Variants in NSG1 observed in about 807,000 individuals in gnomAD.
The protein encoded by NSG1 is neuronal vesicle trafficking-associated protein 1.
In NSG1, 9 loss-of-function variants were observed where a neutral mutation model predicts 19.3. The observed-to-expected ratio is 0.47, with a 90% CI of 0.28 to 0.81. The LOEUF (loss-of-function observed/expected upper bound fraction) is 0.81, where lower values mean the gene tolerates loss of function less well. NSG1 is among the 40% of genes least tolerant of loss of function. The pLI is 0.11. For missense variants in NSG1, 236 were observed against 242.4 expected, an observed-to-expected ratio of 0.97 and a Z score of 0.18; for synonymous variants, 104 against 107.0, an observed-to-expected ratio of 0.97 and a Z score of 0.17.
intron 3 of NSG1, among the ~76,000 whole-genome samples, chr4:4,395,641 A>AC (rs1296963235): frequency 6.6e-6 from 1 of 151,820 alleles, no homozygotes; most frequent in Non-Finnish European, 1.5e-5. Context: ...TGGCTTGTGT[A>AC]CCCCCCTGCC....
chr4:4,407,572 C>G (rs1723935791), intron 3 of NSG1, among the ~76,000 whole-genome samples: 1 of 152,174 alleles, frequency 6.6e-6, no homozygotes, highest in Non-Finnish European at 1.5e-5. Flanking sequence ...GGCCACGTCC[C>G]TCAGCTCTGA....
chr4:4,416,516 G>A (rs564778187), intron 4 of NSG1, among the ~76,000 whole-genome samples: 1 of 152,134 alleles, frequency 6.6e-6, no homozygotes, highest in Non-Finnish European at 1.5e-5. Context: ...AGGACAGGCT[G>A]CAGCCACAGC....
intron 3 of NSG1, among the ~76,000 whole-genome samples, chr4:4,392,167 C>T (rs377604172): frequency 6.6e-6 from 1 of 151,212 alleles, no homozygotes; most frequent in East Asian, 2.0e-4. Context: ...TCCTTCCCCC[C>T]ATCCCAATGG....
intron 3 of NSG1, among the ~76,000 whole-genome samples, chr4:4,403,784 G>A (rs1427021402): frequency 6.6e-6 from 1 of 152,238 alleles, no homozygotes; most frequent in Non-Finnish European, 1.5e-5. Context: ...TGTTGTGTTA[G>A]GAGTACGCAG....
chr4:4,410,961 G>A (rs755277021), intron 4 of NSG1, among the ~76,000 whole-genome samples: 1 of 152,120 alleles, frequency 6.6e-6, no homozygotes, highest in East Asian at 1.9e-4. Context: ...GGGTTCAAGC[G>A]ATTCTTCTGC....
intron 1 of NSG1, 122 bp from the exon 2 acceptor site, chr4:4,387,482 G>C (rs1577276456): frequency 1.5e-6 from 1 of 651,360 alleles, no homozygotes. Context: ...AGCCCTCCCC[G>C]AGACGAAGCG....
At chr4:4,387,550 C>A (rs1317523265) in intron 1 of NSG1, 54 bp from the exon 2 acceptor site, 20 of 598,158 alleles carry the variant, frequency 3.3e-5, no homozygotes, top group South Asian at 1.8e-5. Flanking sequence ...CACTTCCCCC[C>A]CGCCCCGCCC....
At chr4:4,412,543 GT>G (rs1329238496) in intron 4 of NSG1, among the ~76,000 whole-genome samples, 2 of 152,058 alleles carry the variant, frequency 1.3e-5, no homozygotes, top group Non-Finnish European at 2.9e-5. Flanking sequence ...CTGCTGGTCT[GT>G]ATCCAGCTGC....
At chr4:4,405,926 G>T (rs1287544013) in intron 3 of NSG1, among the ~76,000 whole-genome samples, 1 of 152,236 alleles carries the variant, frequency 6.6e-6, no homozygotes, top group Non-Finnish European at 1.5e-5. Flanking sequence ...GAGAATGGGG[G>T]TTCTTTTTAA....
intron 3 of NSG1, among the ~76,000 whole-genome samples, chr4:4,407,328 C>G (rs891197477): frequency 6.6e-6 from 1 of 152,062 alleles, no homozygotes; most frequent in East Asian, 1.9e-4. Flanking sequence ...GGGTCCCTCC[C>G]TAGGTGAAGG....
rs550124554 is a variant in NSG1, at chr4:4,402,481, G to A, written c.247-7092G>A. Among the ~76,000 whole-genome samples, 17 of 139,082 alleles carry A rather than the reference G, an allele frequency of 1.2e-4. No individual in the cohort carries two copies. In the East Asian group the frequency reaches 3.6e-3, roughly 29 times the overall value. The allele number at this position is 139,082 out of a possible 152,430, so 91.2% of individuals were successfully genotyped here. Reference sequence around the variant, plus strand: ...CGGCTCACTGCAAGCTCCGCCTTCCGGGTTCACGCCATTCTCCTGCCTCAG... The same window carrying A: ...CGGCTCACTGCAAGCTCCGCCTTCCAGGTTCACGCCATTCTCCTGCCTCAG... On this transcript the variant is annotated intron_variant, in intron 3 of 4. Transcript: ENST00000621129.
intron 3 of NSG1, among the ~76,000 whole-genome samples, chr4:4,398,344 A>G (rs1365919490): frequency 6.6e-6 from 1 of 152,200 alleles, no homozygotes; most frequent in Non-Finnish European, 1.5e-5. Context: ...GTGCCATTTA[A>G]TACATTCACC....
intron 3 of NSG1, among the ~76,000 whole-genome samples, chr4:4,406,578 G>A (rs1723869208): frequency 6.6e-6 from 1 of 152,156 alleles, no homozygotes; most frequent in South Asian, 2.1e-4. Context: ...AGGGTTGAGA[G>A]CCCGCTCTGC....
intron 3 of NSG1, among the ~76,000 whole-genome samples, chr4:4,404,095 T>G (rs902568315): frequency 6.6e-6 from 1 of 152,250 alleles, no homozygotes; most frequent in Non-Finnish European, 1.5e-5. Flanking sequence ...GAGTCCATTT[T>G]GTACCCAGGC....
At position 4,390,512 on chromosome 4, in the gene NSG1, G is replaced by A. The variant is rs976894847; in HGVS notation, c.130-963G>A. 3.3e-5 allele frequency among the ~76,000 whole-genome samples: 5 copies of A among 152,324 alleles called. No individual in the cohort carries two copies. The South Asian group carries it at 8.3e-4, about 25-fold the overall frequency. ...TTGTTCTGTCCTGGTCCCCACCATC[G>A]TGGAGAGCAGGTGACGGACTGCCCA... On this transcript the variant is annotated intron_variant, in intron 2 of 4. Transcript: ENST00000621129.
Position 4,400,415 on chromosome 4 carries a change from A to C in NSG1, c.246+8824A>C, listed in dbSNP as rs570761548. ...CTCCTCCAATTTGTTCTTTGTTTTC[A>C]AGACTGGTTTTGAAAACAGTTTTGG... On this transcript the variant is annotated intron_variant, in intron 3 of 4. Transcript: ENST00000621129. 3.9e-5 allele frequency among the ~76,000 whole-genome samples: 6 copies of C among 152,302 alleles called. No homozygotes were observed. In the South Asian group the frequency reaches 1.2e-3, roughly 32 times the overall value.
intron 2 of NSG1, among the ~76,000 whole-genome samples, chr4:4,390,907 C>T (rs1423921425): frequency 6.6e-6 from 1 of 151,356 alleles, no homozygotes; most frequent in South Asian, 2.1e-4. Flanking sequence ...AGCAGGGAGA[C>T]CCTTTGGGGG....
rs1724716658 is a variant in NSG1 at position 4,418,516 on chromosome 4, A to G, written c.*1081A>G. ...TTTGTAAGAAAATTGTTCCAGTTTGAATCTTGATATTAAAGTTTATGTTTA... is the reference window on the plus strand; with the variant it reads ...TTTGTAAGAAAATTGTTCCAGTTTGGATCTTGATATTAAAGTTTATGTTTA... On this transcript the variant is annotated 3_prime_UTR_variant, in exon 5 of 5. Transcript: ENST00000621129. 1 of 152,664 alleles carries G rather than the reference A, an allele frequency of 6.6e-6. No homozygotes were observed. The highest frequency in any genetic ancestry group is 1.5e-5 in the Non-Finnish European group (1 of 68,044). The allele number at this position is 152,664 out of a possible 1,614,324, so 9.5% of individuals were successfully genotyped here.
intron 4 of NSG1, among the ~76,000 whole-genome samples, chr4:4,411,745 AAACAAAAC>A (rs1724195277): frequency 1.5e-5 from 1 of 68,282 alleles, no homozygotes; most frequent in South Asian, 3.9e-4. Context: ...CTCCGTCTAA[AAACAAAAC>A]AAAACAAAAC....
Sources: gnomAD v4.1 joint callset for allele counts (sites outside exome capture counted in the v4.1 genomes callset) on GRCh38, gnomAD v4.1.1 for gene constraint, MANE v1.5 for transcripts, NCBI Gene and HGNC (gene_info 2026-07-23, HGNC 2026-07-21) for gene names.